Variants in CNTN5 observed in about 807,000 individuals in gnomAD.
The protein encoded by CNTN5 is contactin-5.
In CNTN5, 77 loss-of-function variants were observed where a neutral mutation model predicts 129.1. The ratio of observed to expected loss-of-function variants is 0.60; its 90% CI spans 0.50 to 0.72. The LOEUF (loss-of-function observed/expected upper bound fraction) is 0.72, where lower values mean the gene tolerates loss of function less well. Ranked by LOEUF, CNTN5 falls within the 30% of genes least tolerant of loss-of-function variation. The pLI, the probability that CNTN5 is intolerant of heterozygous loss-of-function variation, is 0.00. For synonymous variants in CNTN5, 509 were observed against 465.6 expected, an observed-to-expected ratio of 1.09 and a Z score of -1.20; for missense variants, 1,478 against 1,328.8, an observed-to-expected ratio of 1.11 and a Z score of -1.75.
chr11:99,807,301 T>C (rs1946303227), intron 3 of CNTN5, among the ~76,000 whole-genome samples: 1 of 152,172 alleles, frequency 6.6e-6, no homozygotes, highest in African/African-American at 2.4e-5. Flanking sequence ...TATTTTCACT[T>C]CAGAAATTCT....
At chr11:99,500,321 T>C (rs912757651) in intron 2 of CNTN5, among the ~76,000 whole-genome samples, 2 of 152,164 alleles carry the variant, frequency 1.3e-5, no homozygotes, top group Non-Finnish European at 2.9e-5. Context: ...GCACTCAAAT[T>C]AATTCCAATG....
chr11:99,954,460 A>G (rs1405999860), intron 7 of CNTN5, among the ~76,000 whole-genome samples: 1 of 152,228 alleles, frequency 6.6e-6, no homozygotes, highest in Non-Finnish European at 1.5e-5. Flanking sequence ...ACCGAATAAG[A>G]TCGGCATGCA....
intron 3 of CNTN5, among the ~76,000 whole-genome samples, chr11:99,725,256 AG>A (rs1439519220): frequency 6.6e-6 from 1 of 152,184 alleles, no homozygotes; most frequent in Non-Finnish European, 1.5e-5. Context: ...AAGAATAAAA[AG>A]CAACAATGAG....
chr11:100,143,733 T>C (rs1325651568), intron 13 of CNTN5, among the ~76,000 whole-genome samples: 1 of 152,136 alleles, frequency 6.6e-6, no homozygotes, highest in African/African-American at 2.4e-5. Flanking sequence ...TTAGAGCCAG[T>C]GTGGCAAATA....
chr11:99,692,752 G>A (rs190123195), intron 3 of CNTN5, among the ~76,000 whole-genome samples: 45 of 152,010 alleles, frequency 3.0e-4, no homozygotes, highest in African/African-American at 8.0e-4. Context: ...AAACAAATGC[G>A]TATTTTAAGT....
chr11:99,144,537 C>CT (rs2135470941), intron 1 of CNTN5, among the ~76,000 whole-genome samples: 1 of 152,250 alleles, frequency 6.6e-6, no homozygotes, highest in Non-Finnish European at 1.5e-5. Flanking sequence ...TTGCCGTCTC[C>CT]TCTCCTCCTG....
intron 4 of CNTN5, among the ~76,000 whole-genome samples, chr11:99,842,332 A>G (rs995642694): frequency 3.3e-5 from 5 of 152,228 alleles, no homozygotes; most frequent in African/African-American, 1.2e-4. Context: ...AATGTCTGGC[A>G]TATAGTAATT....
intron 6 of CNTN5, among the ~76,000 whole-genome samples, chr11:99,872,526 C>A (rs1401174102): frequency 1.3e-5 from 2 of 152,042 alleles, no homozygotes; most frequent in African/African-American, 2.4e-5. Context: ...GAAAGAATTA[C>A]AATTGAAGAT....
At chr11:99,889,243 G>T (rs1247916697) in intron 6 of CNTN5, among the ~76,000 whole-genome samples, 3 of 151,750 alleles carry the variant, frequency 2.0e-5, no homozygotes, top group Non-Finnish European at 4.4e-5. Flanking sequence ...AAGACTGGAT[G>T]TTGTCAGCAT....
At chr11:99,831,875 G>A (rs1361512122) in intron 4 of CNTN5, among the ~76,000 whole-genome samples, 1 of 152,130 alleles carries the variant, frequency 6.6e-6, no homozygotes, top group Non-Finnish European at 1.5e-5. Context: ...AATGCTAAAT[G>A]ACTAGAATGG....
At chr11:99,350,879 A>G (rs1427993456) in intron 2 of CNTN5, among the ~76,000 whole-genome samples, 1 of 152,086 alleles carries the variant, frequency 6.6e-6, no homozygotes, top group Non-Finnish European at 1.5e-5. Flanking sequence ...TGAAAATCCC[A>G]GCAGAAATGG....
chr11:99,221,435 A>G (rs1025802944), intron 1 of CNTN5, among the ~76,000 whole-genome samples: 1 of 151,954 alleles, frequency 6.6e-6, no homozygotes, highest in Non-Finnish European at 1.5e-5. Flanking sequence ...TAAAAATTGG[A>G]AAAGTAAAAT....
intron 16 of CNTN5, chr11:100,225,315 T>G (rs1035412754): frequency 1.3e-5 from 2 of 152,578 alleles, no homozygotes; most frequent in Admixed American, 6.5e-5. Flanking sequence ...ATACAACCTC[T>G]CTATGCAGAA....
chr11:100,026,190 G>C (rs1941410992), intron 9 of CNTN5, among the ~76,000 whole-genome samples: 1 of 152,056 alleles, frequency 6.6e-6, no homozygotes. Context: ...GTTCTTATGA[G>C]ATCTGAGGGT....
chr11:99,800,612 A>G (rs1168857600), intron 3 of CNTN5, among the ~76,000 whole-genome samples: 5 of 152,188 alleles, frequency 3.3e-5, no homozygotes, highest in Non-Finnish European at 4.4e-5. Context: ...TTTTATGACT[A>G]AAAGTGCTCT....
chr11:100,057,506 A>T (rs1943285214), intron 9 of CNTN5, among the ~76,000 whole-genome samples: 1 of 151,812 alleles, frequency 6.6e-6, no homozygotes, highest in African/African-American at 2.4e-5. Flanking sequence ...TTTGACAATC[A>T]TTCATTCACT....
rs76843624 is a variant in CNTN5 at position 99,678,552 on chromosome 11, A to G, written c.55+122283A>G. Among the ~76,000 whole-genome samples, 1,420 of 152,252 alleles carry G rather than the reference A, an allele frequency of 9.3e-3. 16 individuals carry two copies. Among genetic ancestry groups the G allele is most frequent in the Middle Eastern group, 0.017 (5 of 294 alleles). On this transcript the variant is annotated intron_variant, in intron 3 of 24. Transcript: ENST00000524871. ...AAGAAAATGCCATGAATTTCAAATTAACTCTAAACAGAAAATTACACACAA... is the reference window on the plus strand; with the variant it reads ...AAGAAAATGCCATGAATTTCAAATTGACTCTAAACAGAAAATTACACACAA...
intron 2 of CNTN5, among the ~76,000 whole-genome samples, chr11:99,406,653 A>G (rs917649762): frequency 1.3e-5 from 2 of 152,172 alleles, no homozygotes; most frequent in African/African-American, 4.8e-5. Flanking sequence ...GAGTTCTCCC[A>G]GGACTTGGAC....
intron 1 of CNTN5, among the ~76,000 whole-genome samples, chr11:99,248,335 G>T (rs184233264): frequency 0.029 from 4,452 of 151,674 alleles, 179 homozygotes; most frequent in African/African-American, 0.092. Context: ...TAAATTTGTT[G>T]GAGTTCATTG....
Sources: gnomAD v4.1 joint callset for allele counts (sites outside exome capture counted in the v4.1 genomes callset) on GRCh38, gnomAD v4.1.1 for gene constraint, MANE v1.5 for transcripts, NCBI Gene and HGNC (gene_info 2026-07-23, HGNC 2026-07-21) for gene names.